The following NEK11 variants were observed in gnomAD, a reference collection of about 807,000 sequenced individuals.
NEK11 encodes the protein NIMA related kinase 11, also known as serine/threonine-protein kinase Nek11.
Under a neutral mutation model 80.7 loss-of-function variants are expected in NEK11, and 72 were observed. The observed-to-expected ratio is 0.89, with a 90% confidence interval of 0.74 to 1.08. The LOEUF (loss-of-function observed/expected upper bound fraction) is 1.08. NEK11 is among the 50% of genes least tolerant of loss of function. The probability of loss-of-function intolerance (pLI) is 0.00; values close to 1 mark genes in which losing one functional copy is unlikely to be tolerated. For missense variants in NEK11, 764 were observed against 763.6 expected, an observed-to-expected ratio of 1.00 and a Z score of -0.01; for synonymous variants, 251 against 260.7, an observed-to-expected ratio of 0.96 and a Z score of 0.36.
intron 4 of NEK11, among the ~76,000 whole-genome samples, chr3:131,100,213 A>T (rs567274799): frequency 5.3e-5 from 8 of 152,302 alleles, no homozygotes; most frequent in Admixed American, 3.3e-4. Context: ...TAAGATGATC[A>T]TATGGTTTTC....
At chr3:131,157,462 G>A (rs1000734263) in intron 10 of NEK11, among the ~76,000 whole-genome samples, 3 of 152,142 alleles carry the variant, frequency 2.0e-5, no homozygotes, top group East Asian at 3.9e-4. Flanking sequence ...TAATCTGTGC[G>A]ATTAACCACT....
chr3:131,336,431 CTG>C lies in NEK11; in HGVS notation c.1719-13125_1719-13124del, dbSNP rs202056221. On this transcript the variant is annotated intron_variant, in intron 17 of 17. Coordinates refer to ENST00000383366, the MANE Select transcript of NEK11 (RefSeq NM_024800.5). ...GCTAGCCATATATAGAAAGCCGAAA[CTG>C]GATCCCTTCCTTACACCTTATACAA... Among the ~76,000 whole-genome samples, 960 of 152,326 alleles carry C rather than the reference CTG, an allele frequency of 6.3e-3. 10 individuals carry two copies. Among genetic ancestry groups the C allele is most frequent in the African/African-American group, 0.021 (890 of 41,562 alleles).
At chr3:131,280,604 T>C (rs560965804) in intron 17 of NEK11, among the ~76,000 whole-genome samples, 1 of 152,308 alleles carries the variant, frequency 6.6e-6, no homozygotes, top group East Asian at 1.9e-4. Flanking sequence ...AAGTTTGGTT[T>C]GAGTCTTTTT....
chr3:131,055,075 G>A (rs1323534771), intron 3 of NEK11, among the ~76,000 whole-genome samples: 1 of 152,194 alleles, frequency 6.6e-6, no homozygotes, highest in African/African-American at 2.4e-5. Context: ...GGGCAAGAGA[G>A]CCTTGATGTC....
At position 131,109,835 on chromosome 3, in the gene NEK11, T is replaced by G. The variant is rs373647452; in HGVS notation, c.369T>G (p.Tyr123Ter). The change falls in exon 5 of 18, where the codon TAT (tyrosine) becomes TAG (stop). Residue 123 changes from tyrosine to a stop codon, truncating the protein, a stop_gained. Coordinates refer to ENST00000383366, the MANE Select transcript of NEK11 (RefSeq NM_024800.5). LOFTEE classifies it high-confidence loss of function. ...ATCTGGACGATAAAATTCAGGAATA[T>G]AAACAAGCTGGAAAAATCTTTCCAG... ...GRDLDDKIQE[Y>*]KQAGKIFPEN... 6.2e-7 allele frequency: 1 copy of G among 1,604,812 alleles called. No individual in the cohort carries two copies. Among genetic ancestry groups the G allele is most frequent in the African/African-American group, 1.3e-5 (1 of 74,366 alleles).
chr3:131,154,585 G>T (rs2090314714), intron 9 of NEK11, among the ~76,000 whole-genome samples: 1 of 152,112 alleles, frequency 6.6e-6, no homozygotes, highest in South Asian at 2.1e-4. Context: ...CATTAATTTT[G>T]ATTTTTAACA....
intron 5 of NEK11, among the ~76,000 whole-genome samples, chr3:131,122,301 C>A (rs2082521022): frequency 6.6e-6 from 1 of 152,168 alleles, no homozygotes; most frequent in African/African-American, 2.4e-5. Flanking sequence ...CTGGAGATTC[C>A]TGCTTTCTCC....
chr3:131,072,163 C>G (rs540611953), intron 3 of NEK11: 1 of 152,112 alleles, frequency 6.6e-6, no homozygotes, highest in Non-Finnish European at 1.5e-5. Context: ...AGAGAGAGAG[C>G]AATTCTGGTT....
chr3:131,084,477 G>A (rs1263402381), intron 4 of NEK11, among the ~76,000 whole-genome samples: 1 of 152,196 alleles, frequency 6.6e-6, no homozygotes, highest in Non-Finnish European at 1.5e-5. Context: ...ACAATGTGCT[G>A]CACTGGAGAC....
At chr3:131,186,893 A>G (rs553883182) in intron 14 of NEK11, among the ~76,000 whole-genome samples, 19 of 152,340 alleles carry the variant, frequency 1.2e-4, no homozygotes, top group African/African-American at 4.6e-4. Context: ...TTCCTGATAC[A>G]TAGGGATTTG....
intron 17 of NEK11, among the ~76,000 whole-genome samples, chr3:131,314,130 A>AGTGTGTGTGTGTGTGTGT (rs143988468): frequency 0.012 from 1,764 of 149,320 alleles, 18 homozygotes; most frequent in African/African-American, 0.037. Flanking sequence ...GGAGAAAAAG[A>AGTGTGTGTGTGTGTGTGT]GTGTGTGTGT....
At chr3:131,166,368 G>A (rs1034321981) in intron 12 of NEK11, among the ~76,000 whole-genome samples, 1 of 152,238 alleles carries the variant, frequency 6.6e-6, no homozygotes, top group Non-Finnish European at 1.5e-5. Flanking sequence ...TTCTGTTGTA[G>A]CTTAGTTATC....
intron 17 of NEK11, among the ~76,000 whole-genome samples, chr3:131,317,666 G>C (rs188937879): frequency 6.6e-6 from 1 of 151,238 alleles, no homozygotes; most frequent in Non-Finnish European, 1.5e-5. Context: ...AGGCTGAGAC[G>C]GGAGAATTGC....
At position 131,213,259 on chromosome 3, in the gene NEK11, C is replaced by T. The variant is rs115630257; in HGVS notation, c.1400-15269C>T. Among the ~76,000 whole-genome samples, 734 of 152,122 alleles carry T rather than the reference C, an allele frequency of 4.8e-3. 16 individuals carry two copies. The highest frequency in any genetic ancestry group is 0.035 in the Admixed American group (539 of 15,260). ...AGTTTGCCTCTTCACATTGGTGAGC[C>T]GAGAATGTCTTTAGGCCAGCAAGCA... is the stretch of plus-strand genomic sequence containing the variant. On this transcript the variant is annotated intron_variant, in intron 14 of 17. Coordinates refer to ENST00000383366, the MANE Select transcript of NEK11 (RefSeq NM_024800.5).
chr3:131,171,125 G>C (rs993243908), intron 14 of NEK11, among the ~76,000 whole-genome samples: 9 of 152,186 alleles, frequency 5.9e-5, no homozygotes, highest in African/African-American at 1.9e-4. Flanking sequence ...CCTGGTGAGA[G>C]ACCTCTTCTG....
intron 17 of NEK11, among the ~76,000 whole-genome samples, chr3:131,276,155 C>T (rs1273880878): frequency 6.6e-6 from 1 of 152,168 alleles, no homozygotes; most frequent in African/African-American, 2.4e-5. Context: ...GCTGTCTAAC[C>T]TTTGACAAGT....
At chr3:131,037,909 C>T (rs1451937683) in intron 3 of NEK11, among the ~76,000 whole-genome samples, 1 of 152,040 alleles carries the variant, frequency 6.6e-6, no homozygotes, top group African/African-American at 2.4e-5. Flanking sequence ...CAGTGGTTAT[C>T]TGTGATGGGA....
Position 131,243,447 on chromosome 3 carries a change from C to T in NEK11, c.1572C>T (p.Ile524=), listed in dbSNP as rs576244190. The change falls in exon 16 of 18, where the codon ATC becomes ATT. Residue 524 remains isoleucine, a synonymous_variant. Transcript: ENST00000383366. ...CCTTATTTTGACAGGACAGTGATAT[C>T]GAAGCGTTGGCCAGGTGTTTGGAAA... is the stretch of plus-strand genomic sequence containing the variant. ...AYRTNQQDSD[I]EALARCLENV... 13 of 1,612,520 alleles carry T rather than the reference C, an allele frequency of 8.1e-6. No homozygotes were observed. The highest frequency in any genetic ancestry group is 4.0e-5 in the African/African-American group (3 of 74,888).
At chr3:131,217,755 C>A (rs2094891009) in intron 14 of NEK11, among the ~76,000 whole-genome samples, 1 of 152,178 alleles carries the variant, frequency 6.6e-6, no homozygotes, top group African/African-American at 2.4e-5. Flanking sequence ...TCTTTCCCTG[C>A]ACTTTTATTA....
Sources: allele counts gnomAD v4.1 joint callset (sites outside exome capture counted in the v4.1 genomes callset), GRCh38; gene constraint gnomAD v4.1.1; transcripts MANE v1.5; gene names NCBI Gene and HGNC (gene_info 2026-07-23, HGNC 2026-07-21).